SCAF4: variants seen among roughly 807,000 people sequenced by gnomAD.
The protein encoded by SCAF4 is SR-related and CTD-associated factor 4.
In SCAF4, 25 loss-of-function variants were observed where a neutral mutation model predicts 129.8. The ratio of observed to expected loss-of-function variants is 0.19; its 90% CI spans 0.14 to 0.27. The LOEUF (loss-of-function observed/expected upper bound fraction) is 0.27, where lower values mean the gene tolerates loss of function less well. Among genes scored for constraint, SCAF4 ranks in the 10% least tolerant of loss-of-function variants. The pLI, the probability that SCAF4 is intolerant of heterozygous loss-of-function variation, is 1.00. For missense variants in SCAF4, 1,246 were observed against 1,457.1 expected (o/e 0.86, Z 2.36); for synonymous variants, 551 against 497.7 (o/e 1.11, Z -1.43).
chr21:31,684,739 C>T (rs1482040003), intron 19 of SCAF4: 2 of 341,684 alleles, frequency 5.9e-6, no homozygotes, highest in East Asian at 1.4e-4. Context: ...TTCCTTTGCA[C>T]AGAGATTACT....
intron 8 of SCAF4, 92 bp from the exon 9 acceptor site, chr21:31,696,313 A>T: frequency 2.1e-6 from 2 of 954,662 alleles, no homozygotes; most frequent in Non-Finnish European, 3.3e-6. Context: ...TTCATGAGTC[A>T]TTAACATTTT....
Position 31,693,395 on chromosome 21 carries a change from C to T in SCAF4, c.1412G>A (p.Arg471Gln), listed in dbSNP as rs748648256. 4 of 1,582,250 alleles carry T rather than the reference C, an allele frequency of 2.5e-6. No homozygotes were observed. Among genetic ancestry groups the T allele is most frequent in the South Asian group, 1.1e-5 (1 of 88,140 alleles). ...TTGAGATCGAGATCGGGGAGAATGT[C>T]GGCGTCTATCCCTGGACCGAGATCG... Reference protein sequence around the residue: ...RSRSRSRDRRRHSPRSRSQER... With the variant: ...RSRSRSRDRRQHSPRSRSQER... Residue 471 changes from arginine (R) to glutamine (Q), a missense_variant, in exon 12 of 20, where the codon CGA becomes CAA. Arg to Gln is a conservative substitution (Grantham distance 43). Coordinates refer to ENST00000286835, the MANE Select transcript of SCAF4 (RefSeq NM_020706.2).
At chr21:31,696,325 C>G in intron 8 of SCAF4, 104 bp from the exon 9 acceptor site, 2 of 852,074 alleles carry the variant, frequency 2.3e-6, no homozygotes. Context: ...TAACATTTTA[C>G]TGAACCATAT....
Position 31,675,919 on chromosome 21 carries a change from T to C in SCAF4, c.2489-3565A>G, listed in dbSNP as rs114731869. 5.6e-3 allele frequency among the ~76,000 whole-genome samples: 849 copies of C among 152,238 alleles called. 7 individuals are homozygous for C. The highest frequency in any genetic ancestry group is 0.02 in the African/African-American group (814 of 41,532). On this transcript the variant is annotated intron_variant, in intron 19 of 19. Coordinates refer to ENST00000286835, the MANE Select transcript of SCAF4 (RefSeq NM_020706.2). The stretch of plus-strand genomic sequence containing the variant: ...GGAGAAAGGAAGGTTGATTTCATAG[T>C]TGGAGTCCAACGTGGACCTTGAAAT...
At position 31,703,530 on chromosome 21, in the gene SCAF4, G is replaced by A. The variant is rs2050583760; in HGVS notation, c.321+235C>T. ...CCTGGCAACCACTATTAAACTCTTT[G>A]ATTCTATAAATTTTGTTCCTGTCAT... On this transcript the variant is annotated intron_variant, in intron 4 of 19. Coordinates refer to ENST00000286835, the MANE Select transcript of SCAF4 (RefSeq NM_020706.2). 1.3e-5 allele frequency among the ~76,000 whole-genome samples: 2 copies of A among 151,930 alleles called. 1 individual carries two copies. The highest frequency in any genetic ancestry group is 4.1e-4 in the South Asian group (2 of 4,824).
intron 1 of SCAF4, among the ~76,000 whole-genome samples, chr21:31,723,781 A>ACTGCT (rs1453559729): frequency 6.6e-6 from 1 of 152,108 alleles, no homozygotes; most frequent in East Asian, 1.9e-4. Context: ...CAGCTATACC[A>ACTGCT]CTGCTCTCCG....
intron 1 of SCAF4, among the ~76,000 whole-genome samples, chr21:31,717,954 T>TA (rs2050979080): frequency 1.3e-5 from 2 of 148,770 alleles, no homozygotes; most frequent in African/African-American, 5.0e-5. Context: ...CACATATATA[T>TA]TTTTTTGAGA....
At chr21:31,723,629 T>TGTGTGTGTGTGTGTGTGTGCGCGCGC (rs1271033175) in intron 1 of SCAF4, among the ~76,000 whole-genome samples, 9 of 149,000 alleles carry the variant, frequency 6.0e-5, no homozygotes, top group African/African-American at 2.2e-4. Context: ...TGTGTGTGTG[T>TGTGTGTGTGTGTGTGTGTGCGCGCGC]GCGCGCGCGC....
intron 14 of SCAF4, among the ~76,000 whole-genome samples, 199 bp downstream of exon 14, chr21:31,691,618 G>GT (rs1433381461): frequency 6.8e-6 from 1 of 147,454 alleles, no homozygotes; most frequent in Non-Finnish European, 1.5e-5. Context: ...TACCATGCAC[G>GT]TAACATTTAC....
At chr21:31,680,524 A>AAGT (rs1433059753) in intron 19 of SCAF4, among the ~76,000 whole-genome samples, 66 of 152,354 alleles carry the variant, frequency 4.3e-4, no homozygotes, top group African/African-American at 1.6e-3. Context: ...TTTATAGGAT[A>AAGT]AGTAAACAGG....
intron 19 of SCAF4, among the ~76,000 whole-genome samples, chr21:31,681,032 G>A (rs926690666): frequency 6.6e-6 from 1 of 152,198 alleles, no homozygotes; most frequent in African/African-American, 2.4e-5. Context: ...CTGAAGCCAT[G>A]CCAGGACTGC....
At position 31,685,204 on chromosome 21, in the gene SCAF4, T is replaced by C; in HGVS notation, c.2333A>G (p.Asp778Gly). 1 of 1,611,178 alleles carries C rather than the reference T, an allele frequency of 6.2e-7. No individual in the cohort carries two copies. The highest frequency in any genetic ancestry group is 8.5e-7 in the Non-Finnish European group (1 of 1,178,182). ...IAGINEDTTK[D>G]LSIGNPIPTV... The stretch of plus-strand genomic sequence containing the variant: ...TGGAATGGGATTTCCAATAGATAAG[T>C]CTTTTGTAGTGTCTTCATTTATACC... The change falls in exon 19 of 20, where the codon GAC becomes GGC. Residue 778 changes from aspartate to glycine, a missense_variant. Coordinates refer to ENST00000286835, the MANE Select transcript of SCAF4 (RefSeq NM_020706.2).
chr21:31,682,361 G>C (rs145923525), intron 19 of SCAF4, among the ~76,000 whole-genome samples: 9 of 150,054 alleles, frequency 6.0e-5, no homozygotes, highest in East Asian at 2.0e-4. Flanking sequence ...CCTGGCGACA[G>C]AGTGAGACAC....
At chr21:31,689,373 C>T (rs999284490) in intron 15 of SCAF4, among the ~76,000 whole-genome samples, 1 of 151,668 alleles carries the variant, frequency 6.6e-6, no homozygotes, top group African/African-American at 2.4e-5. Context: ...TCTCAACTCA[C>T]TGCAACCTCT....
intron 1 of SCAF4, among the ~76,000 whole-genome samples, chr21:31,725,542 C>T (rs1163434879): frequency 6.6e-6 from 1 of 152,192 alleles, no homozygotes; most frequent in Non-Finnish European, 1.5e-5. Context: ...CAAGTACTCG[C>T]ATTTTTTTTC....
At chr21:31,700,808 T>C (rs2050510155) in intron 7 of SCAF4, 187 bp downstream of exon 7, 1 of 579,328 alleles carries the variant, frequency 1.7e-6, no homozygotes, top group South Asian at 2.6e-5. Context: ...CTGGAAATTT[T>C]TGCACTGAGC....
chr21:31,715,263 C>T (rs1171566566), intron 1 of SCAF4, among the ~76,000 whole-genome samples: 1 of 152,024 alleles, frequency 6.6e-6, no homozygotes, highest in African/African-American at 2.4e-5. Context: ...TCTATCTCTT[C>T]TGTTGTTTTA....
intron 1 of SCAF4, among the ~76,000 whole-genome samples, chr21:31,707,543 A>G (rs919624289): frequency 6.6e-6 from 1 of 152,224 alleles, no homozygotes; most frequent in Non-Finnish European, 1.5e-5. Flanking sequence ...ACCTTCTTAA[A>G]TTATTGTTTT....
chr21:31,679,595 T>A (rs1021595199), intron 19 of SCAF4, among the ~76,000 whole-genome samples: 2 of 152,176 alleles, frequency 1.3e-5, no homozygotes, highest in Admixed American at 6.5e-5. Flanking sequence ...ACATTAAGAT[T>A]ATATTTTAAA....
Sources: gnomAD v4.1 joint callset for allele counts (sites outside exome capture counted in the v4.1 genomes callset) on GRCh38, gnomAD v4.1.1 for gene constraint, MANE v1.5 for transcripts, NCBI Gene and HGNC (gene_info 2026-07-23, HGNC 2026-07-21) for gene names.